NLGN1: variants seen among roughly 807,000 people sequenced by gnomAD.
NLGN1 encodes neuroligin-1.
In NLGN1, 12 loss-of-function variants were observed where a neutral mutation model predicts 65.5. That is an observed-to-expected ratio of 0.18 (90% CI 0.12 to 0.30). NLGN1 has a LOEUF of 0.30. Among genes scored for constraint, NLGN1 ranks in the 10% least tolerant of loss-of-function variants. The probability of loss-of-function intolerance (pLI) is 1.00; values close to 1 mark genes in which losing one functional copy is unlikely to be tolerated. For missense variants in NLGN1, 750 were observed against 1,007.1 expected (o/e 0.74, Z 3.46); for synonymous variants, 350 against 359.5 (o/e 0.97, Z 0.30).
chr3:174,119,349 T>G (rs1717255693), intron 4 of NLGN1, among the ~76,000 whole-genome samples: 3 of 152,214 alleles, frequency 2.0e-5, no homozygotes, highest in African/African-American at 7.2e-5. Flanking sequence ...AATTATTTGA[T>G]GTAGACAACA....
At chr3:173,812,636 C>T (rs1314111839) in intron 4 of NLGN1, among the ~76,000 whole-genome samples, 3 of 151,428 alleles carry the variant, frequency 2.0e-5, no homozygotes, top group Non-Finnish European at 2.9e-5. Context: ...GAGGCTGAGG[C>T]GGAAGGATCA....
At chr3:173,883,301 G>A (rs1224356601) in intron 4 of NLGN1, among the ~76,000 whole-genome samples, 1 of 152,172 alleles carries the variant, frequency 6.6e-6, no homozygotes, top group Admixed American at 6.5e-5. Context: ...AGAGATAAGG[G>A]AATGGCCAGT....
At chr3:174,091,454 A>G (rs1006455368) in intron 4 of NLGN1, among the ~76,000 whole-genome samples, 3 of 152,310 alleles carry the variant, frequency 2.0e-5, no homozygotes, top group African/African-American at 7.2e-5. Context: ...CTGTGGCACA[A>G]ATATTTTCTT....
rs3980148 is a variant in NLGN1 at position 173,544,259 on chromosome 3, C to CGTGTGTGTGTGTGTGT, written c.-320-60002_-320-59987dup. On this transcript the variant is annotated intron_variant, in intron 2 of 6. Transcript: ENST00000457714. The stretch of plus-strand genomic sequence containing the variant: ...GTAGTAAAGTACCAAGATTATATTA[C>CGTGTGTGTGTGTGTGT]GTGTGTGTGTGTGTGTGTGTGTGTG... Among the ~76,000 whole-genome samples the CGTGTGTGTGTGTGTGT allele has an allele frequency of 2.6e-3, 371 of 144,208 alleles. 2 individuals carry two copies. Among genetic ancestry groups the CGTGTGTGTGTGTGTGT allele is most frequent in the African/African-American group, 9.2e-3 (352 of 38,312 alleles). 94.6% of individuals were successfully genotyped at this position (144,208 alleles called of 152,430 possible).
intron 4 of NLGN1, among the ~76,000 whole-genome samples, chr3:173,938,305 C>T (rs1450555372): frequency 2.6e-5 from 4 of 152,078 alleles, no homozygotes; most frequent in Admixed American, 6.6e-5. Flanking sequence ...GCAAGTGCCC[C>T]TCCATAGCAG....
intron 2 of NLGN1, among the ~76,000 whole-genome samples, chr3:173,546,097 A>T (rs1173988206): frequency 6.6e-6 from 1 of 152,304 alleles, no homozygotes; most frequent in African/African-American, 2.4e-5. Flanking sequence ...GTATATTTTT[A>T]AAAAATTCAA....
chr3:174,206,159 T>A (rs1561287938), intron 4 of NLGN1, among the ~76,000 whole-genome samples: 1 of 152,248 alleles, frequency 6.6e-6, no homozygotes, highest in Non-Finnish European at 1.5e-5. Flanking sequence ...ACATGGACTC[T>A]GATTTTAGAT....
chr3:174,133,717 C>A (rs369767258), intron 4 of NLGN1, among the ~76,000 whole-genome samples: 5 of 152,230 alleles, frequency 3.3e-5, no homozygotes, highest in African/African-American at 1.2e-4. Flanking sequence ...AACTCGCACA[C>A]TTCCCAAAGA....
At chr3:173,694,391 A>T (rs1765899806) in intron 3 of NLGN1, among the ~76,000 whole-genome samples, 1 of 152,158 alleles carries the variant, frequency 6.6e-6, no homozygotes. Flanking sequence ...GTGAACAATG[A>T]TAAAGGCCCA....
At chr3:173,495,726 A>G (rs1729911945) in intron 2 of NLGN1, among the ~76,000 whole-genome samples, 1 of 150,572 alleles carries the variant, frequency 6.6e-6, no homozygotes, top group Non-Finnish European at 1.5e-5. Context: ...TACAAACAGC[A>G]AAATACACCA....
chr3:173,909,934 T>C (rs1015900847), intron 4 of NLGN1, among the ~76,000 whole-genome samples: 1 of 152,128 alleles, frequency 6.6e-6, no homozygotes, highest in African/African-American at 2.4e-5. Context: ...CTACTTGGCC[T>C]CCCAAAGTGC....
chr3:174,047,084 G>T (rs1291057052), intron 4 of NLGN1, among the ~76,000 whole-genome samples: 1 of 151,766 alleles, frequency 6.6e-6, no homozygotes, highest in African/African-American at 2.4e-5. Flanking sequence ...GCCTTAAGTT[G>T]CTATGTTTAT....
intron 4 of NLGN1, among the ~76,000 whole-genome samples, chr3:174,041,927 G>T (rs1188831242): frequency 1.3e-5 from 2 of 152,082 alleles, no homozygotes; most frequent in Non-Finnish European, 2.9e-5. Context: ...GTTGGCAGGT[G>T]CCTGTAATTC....
chr3:173,518,935 G>C (rs1372108340), intron 2 of NLGN1, among the ~76,000 whole-genome samples: 3 of 152,144 alleles, frequency 2.0e-5, no homozygotes, highest in Admixed American at 1.3e-4. Context: ...TACAGGCCCA[G>C]AGAGGTCTAG....
chr3:173,578,639 A>C (rs1745919465), intron 2 of NLGN1, among the ~76,000 whole-genome samples: 1 of 152,234 alleles, frequency 6.6e-6, no homozygotes, highest in Non-Finnish European at 1.5e-5. Context: ...GATATTTAAT[A>C]AGATGGTTTC....
At chr3:173,997,283 C>T (rs1019681146) in intron 4 of NLGN1, among the ~76,000 whole-genome samples, 1 of 151,956 alleles carries the variant, frequency 6.6e-6, no homozygotes, top group African/African-American at 2.4e-5. Flanking sequence ...ATGTTCCCAC[C>T]ACACCCATTC....
intron 4 of NLGN1, among the ~76,000 whole-genome samples, chr3:174,184,755 G>A (rs987472742): frequency 4.6e-5 from 7 of 152,116 alleles, no homozygotes; most frequent in Admixed American, 2.6e-4. Context: ...AGTGAGAAAC[G>A]GTGGAAGCTA....
At chr3:173,829,207 T>C (rs78859076) in intron 4 of NLGN1, among the ~76,000 whole-genome samples, 1,925 of 152,180 alleles carry the variant, frequency 0.013, 30 homozygotes, top group Non-Finnish European at 0.018. Context: ...CGGGAGAAGA[T>C]GGCATGAGGA....
At position 173,501,017 on chromosome 3, in the gene NLGN1, C is replaced by T. The variant is rs9853119; in HGVS notation, c.-321+65939C>T. Among the ~76,000 whole-genome samples the T allele has an allele frequency of 9.1e-3, 1,378 of 152,158 alleles. 24 individuals are homozygous for T. Among genetic ancestry groups the T allele is most frequent in the African/African-American group, 0.032 (1,325 of 41,508 alleles). ...TGGGTTTTTACAGTAATCAAATGAC[C>T]GTGTTAGTATCTTCGAAATTGACAT... is the stretch of plus-strand genomic sequence containing the variant. On this transcript the variant is annotated intron_variant, in intron 2 of 6. Coordinates refer to ENST00000457714, the Ensembl canonical transcript of NLGN1.
Sources: gnomAD v4.1 joint callset for allele counts (sites outside exome capture counted in the v4.1 genomes callset) on GRCh38, gnomAD v4.1.1 for gene constraint, MANE v1.5 for transcripts, NCBI Gene and HGNC (gene_info 2026-07-23, HGNC 2026-07-21) for gene names.